PIK3CB: variants seen among roughly 807,000 people sequenced by gnomAD.
PIK3CB encodes phosphatidylinositol 4,5-bisphosphate 3-kinase catalytic subunit beta isoform.
In PIK3CB, 39 loss-of-function variants were observed where a neutral mutation model predicts 136.8. The observed-to-expected ratio is 0.29, with a 90% CI of 0.22 to 0.37. PIK3CB has a LOEUF of 0.37. PIK3CB is among the 10% of genes least tolerant of loss of function. The pLI is 1.00. For missense variants in PIK3CB, 868 were observed against 1,275.4 expected (o/e 0.68, Z 4.87); for synonymous variants, 428 against 436.6 (o/e 0.98, Z 0.25).
intron 16 of PIK3CB, among the ~76,000 whole-genome samples, chr3:138,685,769 T>C (rs2043877311): frequency 6.8e-6 from 1 of 146,196 alleles, no homozygotes; most frequent in Non-Finnish European, 1.5e-5. Context: ...CTTATGCAAG[T>C]AAAAAAAAAA....
intron 1 of PIK3CB, among the ~76,000 whole-genome samples, chr3:138,812,836 G>C (rs974624950): frequency 6.6e-6 from 1 of 152,112 alleles, no homozygotes; most frequent in Non-Finnish European, 1.5e-5. Flanking sequence ...GCCAGAATGA[G>C]AGACTCTTGT....
intron 19 of PIK3CB, among the ~76,000 whole-genome samples, chr3:138,678,777 A>G (rs1397822416): frequency 2.6e-5 from 4 of 152,194 alleles, no homozygotes. Context: ...CATATTTCTT[A>G]ATGATAAAGG....
chr3:138,724,075 G>C (rs1408893961), intron 8 of PIK3CB, among the ~76,000 whole-genome samples: 2 of 152,066 alleles, frequency 1.3e-5, no homozygotes, highest in Non-Finnish European at 2.9e-5. Context: ...ATGCTACCTG[G>C]ACTTAGGGCA....
rs778911189 is a variant in PIK3CB, at chr3:138,737,847, T to C, written c.661A>G (p.Ile221Val). The C allele has an allele frequency of 3.2e-5, 51 of 1,607,604 alleles. No homozygotes were observed. The highest frequency in any genetic ancestry group is 4.2e-5 in the Non-Finnish European group (49 of 1,176,592). Residue 221 changes from isoleucine (I) to valine (V), a missense_variant, in exon 6 of 24, where the codon ATC (isoleucine) becomes GTC (valine). Around this residue, in one of 4 missense-constraint regions of PIK3CB, gnomAD observed 612 missense variants for 801.1 expected, o/e 0.76. Transcript: ENST00000674063. Reference sequence around the variant, plus strand: ...TGGATTGCCAATTCATTTACTTTGATAGGATTCATATTAGGAGACACTTGA... The same window carrying C: ...TGGATTGCCAATTCATTTACTTTGACAGGATTCATATTAGGAGACACTTGA... The part of the protein sequence containing the change: ...SFQVSPNMNP[I>V]KVNELAIQKR...
rs1390757030 is a variant in PIK3CB, at chr3:138,759,338, G to A, written c.6C>T (p.Cys2=). M[C]FSFIMPPAMA... The stretch of plus-strand genomic sequence containing the variant: ...TAGCAGGAGGCATTATGAAACTGAA[G>A]CACATTCATAACCACGGGGCCCTAG... The change falls in exon 3 of 24, where the codon TGC becomes TGT. Residue 2 remains cysteine, a synonymous_variant. Coordinates refer to ENST00000674063, the MANE Select transcript of PIK3CB (RefSeq NM_006219.3). 1 of 1,605,670 alleles carries A rather than the reference G, an allele frequency of 6.2e-7. No homozygotes were observed. The highest frequency in any genetic ancestry group is 8.5e-7 in the Non-Finnish European group (1 of 1,174,192).
chr3:138,767,044 C>T (rs189230550), intron 2 of PIK3CB, among the ~76,000 whole-genome samples: 132 of 151,968 alleles, frequency 8.7e-4, no homozygotes, highest in Non-Finnish European at 1.5e-3. Context: ...CATGGTGGCA[C>T]ATGCCTGCAA....
At position 138,734,670 on chromosome 3, in the gene PIK3CB, A is replaced by G. The variant is rs1312212076; in HGVS notation, c.936T>C (p.Pro312=). The change falls in exon 7 of 24, where the codon CCT becomes CCC. Residue 312 remains proline, a synonymous_variant. Coordinates refer to ENST00000674063, the MANE Select transcript of PIK3CB (RefSeq NM_006219.3). ...AAINRNSSNL[P]LPLPPKKTRI... ...GTGTTTTCTTTGGTGGTAATGGAAG[A>G]GGAAGATTAGATGAATTTCGATTTA... The G allele has an allele frequency of 6.2e-7, 1 of 1,613,206 alleles. No individual in the cohort carries two copies.
At chr3:138,829,410 G>A (rs916310674) in intron 1 of PIK3CB, among the ~76,000 whole-genome samples, 1 of 152,292 alleles carries the variant, frequency 6.6e-6, no homozygotes, top group Admixed American at 6.5e-5. Context: ...GAGGCAAGGA[G>A]ACCAGTTAGG....
intron 2 of PIK3CB, among the ~76,000 whole-genome samples, chr3:138,793,679 G>C (rs983529032): frequency 3.3e-5 from 5 of 151,966 alleles, no homozygotes; most frequent in African/African-American, 1.2e-4. Flanking sequence ...AAGAATTCCA[G>C]TGTTTCTACA....
At chr3:138,684,177 T>C (rs1203202989) in intron 17 of PIK3CB, among the ~76,000 whole-genome samples, 1 of 152,248 alleles carries the variant, frequency 6.6e-6, no homozygotes, top group African/African-American at 2.4e-5. Flanking sequence ...ATTTGAATAC[T>C]GATAATATAC....
chr3:138,714,731 C>T lies in PIK3CB; in HGVS notation c.1051-12G>A, dbSNP rs779344941. ...GCCCTGACATGAACCTGTAACGAAG[C>T]AGACAAAAACAAAAACAAAGTCATG... On this transcript the variant is annotated splice_polypyrimidine_tract_variant and intron_variant, in intron 8 of 23. Transcript: ENST00000674063. 44 of 1,563,984 alleles carry T rather than the reference C, an allele frequency of 2.8e-5. No homozygotes were observed. The highest frequency in any genetic ancestry group is 3.6e-5 in the Non-Finnish European group (42 of 1,160,342).
chr3:138,681,980 C>G lies in PIK3CB; in HGVS notation c.2491G>C (p.Gly831Arg), dbSNP rs764933219. The G allele has an allele frequency of 3.0e-5, 48 of 1,605,146 alleles. No individual in the cohort carries two copies. The highest frequency in any genetic ancestry group is 4.1e-5 in the Non-Finnish European group (48 of 1,176,068). Residue 831 changes from glycine (G) to arginine (R), a missense_variant, in exon 19 of 24, where the codon GGT becomes CGT. Physicochemically the swap from Gly to Arg is moderately radical, Grantham distance 125. Around this residue, in one of 4 missense-constraint regions of PIK3CB, gnomAD observed 165 missense variants for 295.4 expected, o/e 0.56. Transcript: ENST00000674063. ...ACTAGATCTCACCGAAGATCCAAACCAGCTTCTTTCCAGAGTAAATCCATC... is the reference window on the plus strand; with the variant it reads ...ACTAGATCTCACCGAAGATCCAAACGAGCTTCTTTCCAGAGTAAATCCATC... ...RLMDLLWKEA[G>R]LDLRMLPYGC...
In PIK3CB at chr3:138,677,517, T is replaced by C. The variant is rs924966280; in HGVS notation, c.2504+4450A>G. ...ACGAATAATATAAGGAGTTGTTAAATATTAGTTAAAATATAAGTGGTAGAA... is the reference window on the plus strand; with the variant it reads ...ACGAATAATATAAGGAGTTGTTAAACATTAGTTAAAATATAAGTGGTAGAA... On this transcript the variant is annotated intron_variant, in intron 19 of 23. Coordinates refer to ENST00000674063, the MANE Select transcript of PIK3CB (RefSeq NM_006219.3). Among the ~76,000 whole-genome samples the C allele has an allele frequency of 3.3e-5, 5 of 152,228 alleles. No individual in the cohort carries two copies. In the East Asian group the frequency reaches 9.6e-4, roughly 29 times the overall value.
At chr3:138,825,928 CA>C in intron 1 of PIK3CB, 1 of 1,556,660 alleles carries the variant, frequency 6.4e-7, no homozygotes, top group Admixed American at 1.9e-5. Flanking sequence ...CTGGTGACAG[CA>C]AAAATGACCC....
At chr3:138,708,889 C>T (rs1232417523) in intron 10 of PIK3CB, among the ~76,000 whole-genome samples, 1 of 152,062 alleles carries the variant, frequency 6.6e-6, no homozygotes, top group African/African-American at 2.4e-5. Flanking sequence ...TACTTATTAG[C>T]CCCATACATA....
intron 2 of PIK3CB, among the ~76,000 whole-genome samples, chr3:138,771,826 G>A (rs2045803871): frequency 1.3e-5 from 2 of 151,620 alleles, no homozygotes; most frequent in African/African-American, 2.4e-5. Flanking sequence ...TGAGGGAGGA[G>A]GATCTCTTTC....
chr3:138,712,380 C>A, intron 9 of PIK3CB, 76 bp from the exon 10 acceptor site: 1 of 575,412 alleles, frequency 1.7e-6, no homozygotes, highest in South Asian at 3.2e-5. Flanking sequence ...TCCTTTGTTT[C>A]AATAATGTTA....
chr3:138,664,712 T>A (rs1441488711), intron 20 of PIK3CB, among the ~76,000 whole-genome samples: 1 of 152,216 alleles, frequency 6.6e-6, no homozygotes, highest in Non-Finnish European at 1.5e-5. Context: ...CATTAAAAAC[T>A]CACTTAAGTT....
Position 138,737,777 on chromosome 3 carries a change from T to C in PIK3CB, c.731A>G (p.Tyr244Cys), listed in dbSNP as rs775698765. The C allele has an allele frequency of 9.9e-6, 16 of 1,612,546 alleles. No homozygotes were observed. The highest frequency in any genetic ancestry group is 1.4e-5 in the Non-Finnish European group (16 of 1,179,088). The stretch of plus-strand genomic sequence containing the variant: ...CCCGCTGACTTGCAACACATAATCA[T>C]AGGGGCTAACTTCATCTTCCTTCCC... ...IHGKEDEVSP[Y>C]DYVLQVSGRV... Residue 244 changes from tyrosine (Y) to cysteine (C), a missense_variant, in exon 6 of 24, where the codon TAT (tyrosine) becomes TGT (cysteine). By Grantham distance (194) the Tyr-to-Cys change is radical. Around this residue, in one of 4 missense-constraint regions of PIK3CB, gnomAD observed 612 missense variants for 801.1 expected, o/e 0.76. Coordinates refer to ENST00000674063, the MANE Select transcript of PIK3CB (RefSeq NM_006219.3).
Sources: allele counts gnomAD v4.1 joint callset (sites outside exome capture counted in the v4.1 genomes callset), GRCh38; gene constraint gnomAD v4.1.1; regional missense constraint gnomAD v4.1.1; transcripts MANE v1.5; gene names NCBI Gene and HGNC (gene_info 2026-07-23, HGNC 2026-07-21).